DPYSL2: variants seen among roughly 807,000 people sequenced by gnomAD.
DPYSL2 encodes the protein dihydropyrimidinase-related protein 2.
DPYSL2 carries 13 observed loss-of-function variants against 69.9 expected under a neutral mutation model. That is an observed-to-expected ratio of 0.19 (90% CI 0.12 to 0.30). The LOEUF is 0.30. Ranked by LOEUF, DPYSL2 falls within the 10% of genes least tolerant of loss-of-function variation. The pLI is 1.00. For missense variants in DPYSL2, 587 were observed against 918.9 expected (o/e 0.64, Z 4.67); for synonymous variants, 326 against 359.1 (o/e 0.91, Z 1.04).
intron 3 of DPYSL2, among the ~76,000 whole-genome samples, chr8:26,589,087 C>A (rs1220684733): frequency 6.6e-6 from 1 of 152,034 alleles, no homozygotes; most frequent in East Asian, 1.9e-4. Flanking sequence ...GTGACTCCCT[C>A]TTGCTCAGAG....
At chr8:26,595,512 C>T (rs1454050963) in intron 3 of DPYSL2, among the ~76,000 whole-genome samples, 1 of 152,156 alleles carries the variant, frequency 6.6e-6, no homozygotes, top group Non-Finnish European at 1.5e-5. Flanking sequence ...CTGTTGAATT[C>T]AAGCCCCTCC....
At chr8:26,628,056 CT>C in intron 7 of DPYSL2, 116 bp downstream of exon 7, 1 of 1,056,102 alleles carries the variant, frequency 9.5e-7, no homozygotes, top group Non-Finnish European at 1.4e-6. Context: ...TGACTGTGGT[CT>C]TTCTGAGAAG....
chr8:26,597,193 C>A lies in DPYSL2; in HGVS notation c.628+13210C>A, dbSNP rs928495375. ...GATGCCCTAGATCTCCCCTTGCATC[C>A]CAGAGGGGGATTTGGAGAGCAATCA... On this transcript the variant is annotated intron_variant, in intron 3 of 13. Transcript: ENST00000521913. The surrounding 1 kb of genome is among the most constrained non-coding windows in gnomAD (Gnocchi z 5.2). Among the ~76,000 whole-genome samples the A allele has an allele frequency of 1.3e-5, 2 of 152,128 alleles. No individual in the cohort carries two copies. The highest frequency in any genetic ancestry group is 4.8e-5 in the African/African-American group (2 of 41,406).
intron 1 of DPYSL2, among the ~76,000 whole-genome samples, chr8:26,542,444 G>A (rs2117624981): frequency 6.6e-6 from 1 of 151,106 alleles, no homozygotes; most frequent in East Asian, 1.9e-4. Context: ...TTTTTGAGGT[G>A]GCAGTCTTGC....
intron 1 of DPYSL2, among the ~76,000 whole-genome samples, chr8:26,545,478 G>A (rs1800752291): frequency 6.6e-6 from 1 of 152,204 alleles, no homozygotes; most frequent in South Asian, 2.1e-4. Context: ...GCTCACGCCT[G>A]TAATCTCGGC....
Position 26,627,685 on chromosome 8 carries a change from T to C in DPYSL2, c.937-187T>C, listed in dbSNP as rs1802651372. On this transcript the variant is annotated intron_variant, in intron 6 of 13. Transcript: ENST00000521913. The surrounding 1 kb of genome is among the most constrained non-coding windows in gnomAD (Gnocchi z 6.9). The stretch of plus-strand genomic sequence containing the variant: ...GTTTTGGGAGGCTGTAATTGATCCA[T>C]CCTGCTCAGGCGGGACTGGGAACAG... 1.3e-5 allele frequency among the ~76,000 whole-genome samples: 2 copies of C among 152,132 alleles called. No homozygotes were observed.
intron 3 of DPYSL2, among the ~76,000 whole-genome samples, chr8:26,595,478 A>G (rs964284785): frequency 6.6e-6 from 1 of 152,152 alleles, no homozygotes; most frequent in African/African-American, 2.4e-5. Context: ...AATGAGGCCA[A>G]CTTTATAAGT....
At chr8:26,553,084 A>G (rs1412981673) in intron 1 of DPYSL2, among the ~76,000 whole-genome samples, 2 of 152,188 alleles carry the variant, frequency 1.3e-5, no homozygotes, top group African/African-American at 4.8e-5. Context: ...TGAAATTCAC[A>G]ATCTACCTAA....
Position 26,565,077 on chromosome 8 carries a change from C to G in DPYSL2, c.355-16892C>G, listed in dbSNP as rs575806499. The stretch of plus-strand genomic sequence containing the variant: ...CTTAGAATAATGGCTTCCAGCTCCA[C>G]CCGAATTACTGCAAAAGATATTATA... On this transcript the variant is annotated intron_variant, in intron 1 of 13. Coordinates refer to ENST00000521913, the MANE Select transcript of DPYSL2 (RefSeq NM_001197293.3). This position sits in a 1 kb window ranked among gnomAD's most constrained non-coding sequence, Gnocchi z 4.1. 3.3e-5 allele frequency among the ~76,000 whole-genome samples: 5 copies of G among 152,126 alleles called. No individual in the cohort carries two copies. The highest frequency in any genetic ancestry group is 1.2e-4 in the African/African-American group (5 of 41,420).
chr8:26,559,116 G>A (rs1801034900), intron 1 of DPYSL2, among the ~76,000 whole-genome samples: 1 of 151,936 alleles, frequency 6.6e-6, no homozygotes, highest in African/African-American at 2.4e-5. Flanking sequence ...CTAATTTTTT[G>A]TATTTTAGTA....
At position 26,565,434 on chromosome 8, in the gene DPYSL2, C is replaced by T. The variant is rs750206699; in HGVS notation, c.355-16535C>T. Among the ~76,000 whole-genome samples, 18 of 151,978 alleles carry T rather than the reference C, an allele frequency of 1.2e-4. No individual in the cohort carries two copies. The highest frequency in any genetic ancestry group is 2.2e-4 in the Non-Finnish European group (15 of 68,000). On this transcript the variant is annotated intron_variant, in intron 1 of 13. Coordinates refer to ENST00000521913, the MANE Select transcript of DPYSL2 (RefSeq NM_001197293.3). The surrounding 1 kb of genome is among the most constrained non-coding windows in gnomAD (Gnocchi z 4.1). ...TGGTGAGAGTAGTCCAGGAAATGGA[C>T]CATGGGGGCCCAGCTGTGAATGAAG...
chr8:26,584,297 C>T (rs1276828688), intron 3 of DPYSL2, among the ~76,000 whole-genome samples: 3 of 152,192 alleles, frequency 2.0e-5, no homozygotes, highest in Admixed American at 2.0e-4. Context: ...GAAAACACGG[C>T]ATTTGAAGTC....
intron 10 of DPYSL2, among the ~76,000 whole-genome samples, chr8:26,645,407 T>A (rs898450586): frequency 8.6e-5 from 13 of 151,770 alleles, no homozygotes; most frequent in Admixed American, 3.9e-4. Context: ...TTTCAAAAAA[T>A]AATAATAATA....
Position 26,586,005 on chromosome 8 carries a change from G to A in DPYSL2, c.628+2022G>A, listed in dbSNP as rs1182539089. Among the ~76,000 whole-genome samples, 2 of 152,188 alleles carry A rather than the reference G, an allele frequency of 1.3e-5. No individual in the cohort carries two copies. The highest frequency in any genetic ancestry group is 2.9e-5 in the Non-Finnish European group (2 of 68,032). On this transcript the variant is annotated intron_variant, in intron 3 of 13. Coordinates refer to ENST00000521913, the MANE Select transcript of DPYSL2 (RefSeq NM_001197293.3). The surrounding 1 kb of genome is among the most constrained non-coding windows in gnomAD (Gnocchi z 4.7). ...TGGAGTCCCAGCTACTTGGGAGGCTGAGGCAGGAGAATCTTTGAACCTGGG... is the reference window on the plus strand; with the variant it reads ...TGGAGTCCCAGCTACTTGGGAGGCTAAGGCAGGAGAATCTTTGAACCTGGG...
chr8:26,627,766 T>C lies in DPYSL2; in HGVS notation c.937-106T>C, dbSNP rs41276285. ...GGGATGAGGGCAGAACGATCGGCAG[T>C]GGTAATTTTCCATCTTGCCCGGATA... On this transcript the variant is annotated intron_variant, in intron 6 of 13. Coordinates refer to ENST00000521913, the MANE Select transcript of DPYSL2 (RefSeq NM_001197293.3). This position sits in a 1 kb window ranked among gnomAD's most constrained non-coding sequence, Gnocchi z 6.9. 0.017 allele frequency: 19,325 copies of C among 1,120,266 alleles called. 227 individuals carry two copies. Among genetic ancestry groups the C allele is most frequent in the Middle Eastern group, 0.024 (86 of 3,584 alleles). 69.4% of individuals were successfully genotyped at this position (1,120,266 alleles called of 1,614,324 possible).
At chr8:26,545,539 GC>G (rs1800753139) in intron 1 of DPYSL2, among the ~76,000 whole-genome samples, 1 of 152,134 alleles carries the variant, frequency 6.6e-6, no homozygotes, top group South Asian at 2.1e-4. Flanking sequence ...CTCCAAACTA[GC>G]CTGGCTAACG....
At chr8:26,631,077 TTCTC>T (rs1168336744) in intron 7 of DPYSL2, among the ~76,000 whole-genome samples, 5 of 152,204 alleles carry the variant, frequency 3.3e-5, no homozygotes, top group Admixed American at 1.3e-4. Context: ...CATTCCTTCT[TTCTC>T]CTGCTTTCTG....
rs1803038544 is a variant in DPYSL2, at chr8:26,641,278, C to A, written c.1127-2161C>A. On this transcript the variant is annotated intron_variant, in intron 8 of 13. Transcript: ENST00000521913. This position sits in a 1 kb window ranked among gnomAD's most constrained non-coding sequence, Gnocchi z 4.1. Reference sequence around the variant, plus strand: ...CAAGTGCCTCTGCTCTCATGAACTTCTTCATGTGGACAAAAGCAGGAAGCC... The same window carrying A: ...CAAGTGCCTCTGCTCTCATGAACTTATTCATGTGGACAAAAGCAGGAAGCC... Among the ~76,000 whole-genome samples the A allele has an allele frequency of 1.3e-5, 2 of 152,230 alleles. No individual in the cohort carries two copies. The highest frequency in any genetic ancestry group is 1.3e-4 in the Admixed American group (2 of 15,286).
In DPYSL2 at chr8:26,619,574, A is replaced by C. The variant is rs1220211958; in HGVS notation, c.629-4569A>C. The C allele has an allele frequency of 6.6e-6, 1 of 152,212 alleles. No individual in the cohort carries two copies. Among genetic ancestry groups the C allele is most frequent in the Non-Finnish European group, 1.5e-5 (1 of 68,090 alleles). 9.4% of individuals were successfully genotyped at this position (152,212 alleles called of 1,614,324 possible). On this transcript the variant is annotated intron_variant, in intron 3 of 13. Transcript: ENST00000521913. This position sits in a 1 kb window ranked among gnomAD's most constrained non-coding sequence, Gnocchi z 4.8. ...AGGTGGAGGGAGAAGTTTTGGGAAA[A>C]GATTTGCACTCAGTTAATGATGCTC...
Sources: gnomAD v4.1 joint callset for allele counts (sites outside exome capture counted in the v4.1 genomes callset) on GRCh38, gnomAD v4.1.1 for gene constraint, Gnocchi (gnomAD v3.1) non-coding constraint, MANE v1.5 for transcripts, NCBI Gene and HGNC (gene_info 2026-07-23, HGNC 2026-07-21) for gene names.